NELL1: variants seen among roughly 807,000 people sequenced by gnomAD.
NELL1 encodes protein kinase C-binding protein NELL1.
A neutral mutation model predicts 107.4 loss-of-function variants in NELL1; 76 were observed. The observed-to-expected ratio is 0.71, with a 90% CI of 0.59 to 0.86. The LOEUF is 0.86. NELL1 is among the 40% of genes least tolerant of loss of function. The pLI, the probability that NELL1 is intolerant of heterozygous loss-of-function variation, is 0.00. For missense variants in NELL1, 1,024 were observed against 1,005.5 expected (o/e 1.02, Z -0.25); for synonymous variants, 353 against 341.2 (o/e 1.03, Z -0.38).
chr11:21,035,705 T>C (rs1853074868), intron 12 of NELL1, among the ~76,000 whole-genome samples: 1 of 152,054 alleles, frequency 6.6e-6, no homozygotes, highest in East Asian at 1.9e-4. Context: ...AAAAAGTCTC[T>C]ATAAACTGGG....
At chr11:20,862,758 G>A (rs778806024) in intron 4 of NELL1, among the ~76,000 whole-genome samples, 3 of 151,994 alleles carry the variant, frequency 2.0e-5, no homozygotes, top group Non-Finnish European at 4.4e-5. Context: ...CTGGCCTTCC[G>A]CAGTGTTTGT....
intron 7 of NELL1, among the ~76,000 whole-genome samples, chr11:20,926,482 A>G (rs1386031131): frequency 6.6e-6 from 1 of 152,168 alleles, no homozygotes; most frequent in Non-Finnish European, 1.5e-5. Flanking sequence ...AAACCATGAA[A>G]AATGTTTCAA....
chr11:21,027,305 GTTTAGTTTA>G (rs1852838502), intron 12 of NELL1, among the ~76,000 whole-genome samples: 1 of 148,096 alleles, frequency 6.8e-6, no homozygotes, highest in South Asian at 2.1e-4. Flanking sequence ...GTTTAGTTTA[GTTTAGTTTA>G]GTTTAGTTTA....
intron 2 of NELL1, chr11:20,773,473 A>G (rs967662983): frequency 1.3e-5 from 2 of 151,984 alleles, no homozygotes; most frequent in African/African-American, 2.4e-5. Flanking sequence ...TATATACTTG[A>G]TAAGATGTGA....
chr11:21,137,001 A>G (rs979957692), intron 13 of NELL1, among the ~76,000 whole-genome samples: 1 of 152,234 alleles, frequency 6.6e-6, no homozygotes, highest in Non-Finnish European at 1.5e-5. Context: ...AATTACTGTT[A>G]TGGAATCTAA....
rs112834052 is a variant in NELL1, at chr11:21,564,448, C to G, written c.1980+4066C>G. On this transcript the variant is annotated intron_variant, in intron 17 of 19. Transcript: ENST00000357134. Reference sequence around the variant, plus strand: ...TTCTCAGGTGAACAGGATTCAGGTGCCATTACATAAGAGTAAGAACCAGGG... The same window carrying G: ...TTCTCAGGTGAACAGGATTCAGGTGGCATTACATAAGAGTAAGAACCAGGG... 4.8e-3 allele frequency among the ~76,000 whole-genome samples: 722 copies of G among 151,918 alleles called. 7 individuals carry two copies. The highest frequency in any genetic ancestry group is 0.017 in the African/African-American group (693 of 41,452).
chr11:20,891,605 A>C (rs1849618110), intron 5 of NELL1, among the ~76,000 whole-genome samples: 1 of 152,166 alleles, frequency 6.6e-6, no homozygotes. Flanking sequence ...GGTATGCTGT[A>C]TTCAGGAGAT....
intron 13 of NELL1, among the ~76,000 whole-genome samples, chr11:21,180,358 T>G (rs1856802860): frequency 6.6e-6 from 1 of 151,786 alleles, no homozygotes; most frequent in African/African-American, 2.4e-5. Context: ...AAATATGTTC[T>G]GATGTGGAAT....
At chr11:21,232,154 A>AAAAT (rs1179766183) in intron 14 of NELL1, among the ~76,000 whole-genome samples, 1,030 of 62,642 alleles carry the variant, frequency 0.016, 21 homozygotes, top group South Asian at 0.058. Context: ...AAATAAAAAA[A>AAAAT]AAAAAATATA....
chr11:20,998,450 ACT>A (rs1365801295), intron 12 of NELL1, among the ~76,000 whole-genome samples: 2 of 151,804 alleles, frequency 1.3e-5, no homozygotes, highest in African/African-American at 4.8e-5. Context: ...ATATTTTTGT[ACT>A]CTTAGTTTAC....
intron 2 of NELL1, among the ~76,000 whole-genome samples, chr11:20,718,855 T>A (rs1022400356): frequency 1.5e-4 from 23 of 152,168 alleles, no homozygotes; most frequent in African/African-American, 5.5e-4. Context: ...GGTTGTATCA[T>A]TCCATATAGG....
At chr11:21,431,938 C>G (rs1316366454) in intron 15 of NELL1, among the ~76,000 whole-genome samples, 1 of 152,044 alleles carries the variant, frequency 6.6e-6, no homozygotes, top group East Asian at 1.9e-4. Context: ...TGATTCAGGG[C>G]TATTTTCCTT....
At chr11:21,284,633 T>C (rs1279866725) in intron 14 of NELL1, 1 of 412,802 alleles carries the variant, frequency 2.4e-6, no homozygotes, top group African/African-American at 2.0e-5. Context: ...TTATCAACAG[T>C]GTCTGCACAG....
At chr11:21,551,308 C>G (rs1246843884) in intron 16 of NELL1, among the ~76,000 whole-genome samples, 1 of 152,006 alleles carries the variant, frequency 6.6e-6, no homozygotes. Flanking sequence ...TTGACTTCCT[C>G]TTTTCCTAAT....
chr11:20,778,601 GA>G (rs1303227943), intron 2 of NELL1, among the ~76,000 whole-genome samples: 1 of 144,246 alleles, frequency 6.9e-6, no homozygotes, highest in Admixed American at 7.3e-5. Context: ...TCCTGGGAAA[GA>G]AAAAGCACTT....
rs374248429 is a variant in NELL1 at position 20,950,590 on chromosome 11, T to G, written c.1171+3155T>G. 1.3e-4 allele frequency among the ~76,000 whole-genome samples: 20 copies of G among 152,330 alleles called. 1 individual carries two copies. In the South Asian group the frequency reaches 4.1e-3, roughly 32 times the overall value. On this transcript the variant is annotated intron_variant, in intron 11 of 19. Coordinates refer to ENST00000357134, the MANE Select transcript of NELL1 (RefSeq NM_006157.5). ...AGCCCAGTGGACTTCTAAAGCAAAT[T>G]ATTTGGTTCTTCTTGCCTCCTCCCC...
At chr11:21,544,001 T>C (rs933004431) in intron 16 of NELL1, among the ~76,000 whole-genome samples, 1 of 152,008 alleles carries the variant, frequency 6.6e-6, no homozygotes, top group African/African-American at 2.4e-5. Context: ...TGAACCTGTC[T>C]ATTATCTTTT....
At chr11:21,325,703 T>A (rs151322065) in intron 14 of NELL1, among the ~76,000 whole-genome samples, 24 of 152,164 alleles carry the variant, frequency 1.6e-4, no homozygotes, top group Non-Finnish European at 2.8e-4. Flanking sequence ...AAAAGTGTAT[T>A]CAATTGTTTA....
intron 15 of NELL1, among the ~76,000 whole-genome samples, chr11:21,494,364 C>A (rs1854918749): frequency 6.6e-6 from 1 of 151,928 alleles, no homozygotes; most frequent in Non-Finnish European, 1.5e-5. Flanking sequence ...AGAAATTACT[C>A]ATAATTTTGA....
Sources: allele counts gnomAD v4.1 joint callset (sites outside exome capture counted in the v4.1 genomes callset), GRCh38; gene constraint gnomAD v4.1.1; transcripts MANE v1.5; gene names NCBI Gene and HGNC (gene_info 2026-07-23, HGNC 2026-07-21).